CAMTA1: variants seen among roughly 807,000 people sequenced by gnomAD.
CAMTA1 encodes calmodulin binding transcription activator 1, also known as calmodulin-binding transcription activator 1.
In CAMTA1, 27 loss-of-function variants were observed where a neutral mutation model predicts 170.9. The ratio of observed to expected loss-of-function variants is 0.16; its 90% confidence interval spans 0.12 to 0.22. The LOEUF (loss-of-function observed/expected upper bound fraction) is 0.22, where lower values mean the gene tolerates loss of function less well. Among genes scored for constraint, CAMTA1 ranks in the 10% least tolerant of loss-of-function variants. The pLI, the probability that CAMTA1 is intolerant of heterozygous loss-of-function variation, is 1.00. For synonymous variants in CAMTA1, 833 were observed against 891.5 expected (o/e 0.93, Z 1.17); for missense variants, 1,619 against 2,217.2 (o/e 0.73, Z 5.42).
In CAMTA1 at chr1:7,295,265, A is replaced by G. The variant is rs538413465; in HGVS notation, c.438+45639A>G. Among the ~76,000 whole-genome samples, 12 of 152,292 alleles carry G rather than the reference A, an allele frequency of 7.9e-5. No homozygotes were observed. The East Asian group carries it at 1.2e-3, about 15-fold the overall frequency. Reference sequence around the variant, plus strand: ...AGTGCCTCACACATGCCCGTACTCAATGCTGTCATGGGACCCATTCCGGCC... The same window carrying G: ...AGTGCCTCACACATGCCCGTACTCAGTGCTGTCATGGGACCCATTCCGGCC... On this transcript the variant is annotated intron_variant, in intron 5 of 22. Transcript: ENST00000303635.
At chr1:7,387,788 A>G (rs951770936) in intron 5 of CAMTA1, among the ~76,000 whole-genome samples, 3 of 152,262 alleles carry the variant, frequency 2.0e-5, no homozygotes, top group Non-Finnish European at 2.9e-5. Context: ...TGATCCTGGC[A>G]GAGTCCAGTC....
chr1:6,954,013 C>G (rs951490485), intron 3 of CAMTA1, among the ~76,000 whole-genome samples: 3 of 152,180 alleles, frequency 2.0e-5, no homozygotes, highest in African/African-American at 7.2e-5. Context: ...GAGGGACGCT[C>G]AGGCCCCTGC....
intron 6 of CAMTA1, among the ~76,000 whole-genome samples, chr1:7,578,855 A>G (rs1411450779): frequency 2.0e-5 from 3 of 152,168 alleles, no homozygotes; most frequent in Admixed American, 1.3e-4. Context: ...TGACCCAGTC[A>G]CTTCCTATTA....
At chr1:7,139,326 A>C (rs1183030860) in intron 4 of CAMTA1, among the ~76,000 whole-genome samples, 1 of 144,906 alleles carries the variant, frequency 6.9e-6, no homozygotes, top group African/African-American at 2.5e-5. Flanking sequence ...TTATATTATA[A>C]ATATTATAAA....
At position 6,966,542 on chromosome 1, in the gene CAMTA1, A is replaced by G. The variant is rs575837743; in HGVS notation, c.235-124762A>G. 4.6e-5 allele frequency among the ~76,000 whole-genome samples: 7 copies of G among 151,548 alleles called. 1 individual carries two copies. Among genetic ancestry groups the G allele is most frequent in the African/African-American group, 1.7e-4 (7 of 41,260 alleles). Reference sequence around the variant, plus strand: ...CTTCATTCCTTTTTATGGCTGAGTAATATTCCACTGAACAGATACGTTCTA... The same window carrying G: ...CTTCATTCCTTTTTATGGCTGAGTAGTATTCCACTGAACAGATACGTTCTA... On this transcript the variant is annotated intron_variant, in intron 3 of 22. Transcript: ENST00000303635.
intron 4 of CAMTA1, among the ~76,000 whole-genome samples, chr1:7,111,684 G>A (rs192353789): frequency 2.0e-5 from 3 of 152,238 alleles, no homozygotes; most frequent in African/African-American, 7.2e-5. Flanking sequence ...AGGAGATCAA[G>A]ACCATCCTGG....
chr1:7,584,578 A>C (rs933057955), intron 6 of CAMTA1, among the ~76,000 whole-genome samples: 1 of 152,190 alleles, frequency 6.6e-6, no homozygotes, highest in African/African-American at 2.4e-5. Context: ...GTCAGAATTA[A>C]GTACCCGCTC....
At chr1:7,703,992 A>AC (rs2096472720) in intron 11 of CAMTA1, among the ~76,000 whole-genome samples, 1 of 150,672 alleles carries the variant, frequency 6.6e-6, no homozygotes, top group Non-Finnish European at 1.5e-5. Context: ...CCAGCGCCGC[A>AC]CCCCCTCCCC....
chr1:7,345,039 C>G (rs2084127447), intron 5 of CAMTA1, among the ~76,000 whole-genome samples: 1 of 152,080 alleles, frequency 6.6e-6, no homozygotes, highest in African/African-American at 2.4e-5. Flanking sequence ...GTGTGAGCCA[C>G]CGCGCCCAGC....
intron 4 of CAMTA1, among the ~76,000 whole-genome samples, chr1:7,108,980 C>A (rs1023856372): frequency 1.3e-5 from 2 of 152,114 alleles, no homozygotes; most frequent in African/African-American, 2.4e-5. Context: ...GGATTCAGTT[C>A]CTTGTGGGCT....
chr1:7,257,952 G>A (rs753415944), intron 5 of CAMTA1, among the ~76,000 whole-genome samples: 4 of 152,210 alleles, frequency 2.6e-5, no homozygotes, highest in Non-Finnish European at 4.4e-5. Context: ...AAGGCAGGAA[G>A]GACACTGGCC....
chr1:7,595,563 G>C (rs2095393542), intron 6 of CAMTA1, among the ~76,000 whole-genome samples: 1 of 152,210 alleles, frequency 6.6e-6, no homozygotes, highest in Admixed American at 6.5e-5. Context: ...CACCGCCGGG[G>C]ATGCCCTGCA....
At chr1:7,416,493 G>T (rs529229757) in intron 5 of CAMTA1, among the ~76,000 whole-genome samples, 1 of 151,650 alleles carries the variant, frequency 6.6e-6, no homozygotes, top group African/African-American at 2.4e-5. Context: ...TTCTCTTCTC[G>T]CTTCATTTCA....
intron 1 of CAMTA1, among the ~76,000 whole-genome samples, chr1:6,802,032 T>C (rs966441777): frequency 3.9e-5 from 6 of 152,200 alleles, no homozygotes; most frequent in African/African-American, 1.2e-4. Context: ...TAGAGCACTT[T>C]TGATTGCAAG....
chr1:7,039,220 C>T (rs527895587), intron 3 of CAMTA1, among the ~76,000 whole-genome samples: 2 of 152,088 alleles, frequency 1.3e-5, no homozygotes, highest in East Asian at 1.9e-4. Context: ...TGGAGTGTGG[C>T]GTCATGGCTG....
intron 3 of CAMTA1, among the ~76,000 whole-genome samples, chr1:7,038,897 G>A (rs1026622613): frequency 1.3e-5 from 2 of 151,994 alleles, no homozygotes; most frequent in African/African-American, 2.4e-5. Flanking sequence ...AAAATTAGCC[G>A]GTCATAGTGG....
chr1:7,486,997 T>C (rs2093627225), intron 6 of CAMTA1, among the ~76,000 whole-genome samples: 1 of 149,454 alleles, frequency 6.7e-6, no homozygotes, highest in Non-Finnish European at 1.5e-5. Context: ...GAAATGAGAA[T>C]AGCACCTGAC....
At chr1:7,079,909 G>A (rs1190012930) in intron 3 of CAMTA1, among the ~76,000 whole-genome samples, 1 of 152,142 alleles carries the variant, frequency 6.6e-6, no homozygotes, top group Non-Finnish European at 1.5e-5. Flanking sequence ...GCCGAAAGGG[G>A]GAACAGTCTG....
intron 11 of CAMTA1, among the ~76,000 whole-genome samples, chr1:7,697,094 C>T (rs1261558329): frequency 6.6e-6 from 1 of 152,170 alleles, no homozygotes; most frequent in Admixed American, 6.5e-5. Flanking sequence ...TGGCCAACTC[C>T]CTCACACAGC....
Sources: gnomAD v4.1 joint callset for allele counts (sites outside exome capture counted in the v4.1 genomes callset) on GRCh38, gnomAD v4.1.1 for gene constraint, MANE v1.5 for transcripts, NCBI Gene and HGNC (gene_info 2026-07-23, HGNC 2026-07-21) for gene names.